The following IMPA1 variants were observed in gnomAD, a reference collection of about 807,000 sequenced individuals.
IMPA1 encodes the protein D-galactose 1-phosphate phosphatase.
IMPA1 carries 21 observed loss-of-function variants against 34.9 expected under a neutral mutation model. The observed-to-expected ratio is 0.60, with a 90% CI of 0.43 to 0.87. The LOEUF (loss-of-function observed/expected upper bound fraction) is 0.87. IMPA1 is among the 40% of genes least tolerant of loss of function. The probability of loss-of-function intolerance (pLI) is 0.00; values close to 1 mark genes in which losing one functional copy is unlikely to be tolerated. For missense variants in IMPA1, 299 were observed against 336.4 expected (o/e 0.89, Z 0.87); for synonymous variants, 95 against 104.4 (o/e 0.91, Z 0.55).
intron 1 of IMPA1, among the ~76,000 whole-genome samples, chr8:81,685,288 A>G (rs1239099028): frequency 1.5e-5 from 2 of 134,968 alleles, no homozygotes; most frequent in Non-Finnish European, 3.0e-5. Context: ...TATATATAGT[A>G]TATATACTAT....
intron 3 of IMPA1, among the ~76,000 whole-genome samples, chr8:81,680,346 C>A (rs1316437754): frequency 6.6e-6 from 1 of 152,086 alleles, no homozygotes; most frequent in African/African-American, 2.4e-5. Flanking sequence ...GCCACCTGCT[C>A]TGGACTAGGA....
intron 7 of IMPA1, among the ~76,000 whole-genome samples, chr8:81,670,051 A>G (rs1255083978): frequency 6.6e-6 from 1 of 152,238 alleles, no homozygotes; most frequent in African/African-American, 2.4e-5. Flanking sequence ...GCAGCTCCTC[A>G]GCCTTGGGCT....
intron 1 of IMPA1, 25 bp from the exon 2 acceptor site, chr8:81,681,609 T>A: frequency 7.7e-7 from 1 of 1,290,738 alleles, no homozygotes; most frequent in Non-Finnish European, 1.1e-6. Flanking sequence ...TATAACTGTC[T>A]TAGAAGTCTT....
At chr8:81,660,770 G>A (rs761284340) in intron 7 of IMPA1, 103 bp from the exon 8 acceptor site, 8 of 758,776 alleles carry the variant, frequency 1.1e-5, no homozygotes, top group African/African-American at 5.3e-5. Context: ...AACTTGGAAC[G>A]ATCTAGAGGA....
At chr8:81,684,983 A>C (rs963932578) in intron 1 of IMPA1, among the ~76,000 whole-genome samples, 1 of 134,156 alleles carries the variant, frequency 7.5e-6, no homozygotes, top group Non-Finnish European at 1.5e-5. Flanking sequence ...TATACTATAC[A>C]TAAGTATATT....
chr8:81,663,923 C>T (rs1806746424), intron 7 of IMPA1, among the ~76,000 whole-genome samples: 1 of 152,036 alleles, frequency 6.6e-6, no homozygotes, highest in Non-Finnish European at 1.5e-5. Context: ...CCTGTAGTCC[C>T]AGCTACTCCA....
chr8:81,682,409 C>T (rs1367694420), intron 1 of IMPA1, among the ~76,000 whole-genome samples: 5 of 152,108 alleles, frequency 3.3e-5, no homozygotes, highest in Admixed American at 3.3e-4. Context: ...AAATAATAGA[C>T]ACAGAGTTAC....
In IMPA1 at chr8:81,659,439, C is replaced by G. The variant is rs1806601460; in HGVS notation, c.746G>C (p.Arg249Thr). The stretch of plus-strand genomic sequence containing the variant: ...TATTCTATTATTTGCAGCAATTACT[C>G]TTCGTGACATCAAATCAAATGGTCC... ...TGGPFDLMSR[R>T]VIAANNRILA... The change falls in exon 9 of 9, where the codon AGA (arginine) becomes ACA (threonine). Residue 249 changes from arginine to threonine, a missense_variant. By Grantham distance (71) the Arg-to-Thr change is moderately conservative. Coordinates refer to ENST00000256108, the MANE Select transcript of IMPA1 (RefSeq NM_005536.4). 3 of 1,608,266 alleles carry G rather than the reference C, an allele frequency of 1.9e-6. No homozygotes were observed. Among genetic ancestry groups the G allele is most frequent in the African/African-American group, 2.7e-5 (2 of 74,772 alleles).
chr8:81,676,443 A>G (rs765155791), intron 4 of IMPA1, among the ~76,000 whole-genome samples, 164 bp from the exon 5 acceptor site: 6 of 152,040 alleles, frequency 3.9e-5, no homozygotes, highest in Non-Finnish European at 5.9e-5. Context: ...ATGGTATACA[A>G]CCCTTTGTAA....
intron 4 of IMPA1, among the ~76,000 whole-genome samples, chr8:81,676,891 G>A (rs1807149057): frequency 6.6e-6 from 1 of 151,996 alleles, no homozygotes; most frequent in African/African-American, 2.4e-5. Flanking sequence ...TTCCCCGGTA[G>A]GCTGAGGCAG....
chr8:81,657,086 A>G lies in IMPA1; in HGVS notation c.*2265T>C, dbSNP rs981073178. On this transcript the variant is annotated 3_prime_UTR_variant, in exon 9 of 9. Coordinates refer to ENST00000256108, the MANE Select transcript of IMPA1 (RefSeq NM_005536.4). ...AAGAAATATTTTCAAATATTATTAG[A>G]TAATTCACTTGTCGATCATCCTTTT... is the stretch of plus-strand genomic sequence containing the variant. Among the ~76,000 whole-genome samples, 3 of 152,234 alleles carry G rather than the reference A, an allele frequency of 2.0e-5. No individual in the cohort carries two copies. Among genetic ancestry groups the G allele is most frequent in the Non-Finnish European group, 4.4e-5 (3 of 68,036 alleles).
chr8:81,670,889 A>C (rs199772743), intron 7 of IMPA1, 50 bp downstream of exon 7: 1 of 880,178 alleles, frequency 1.1e-6, no homozygotes, highest in Admixed American at 3.0e-5. Flanking sequence ...AGGTGTGTGC[A>C]CACACACACG....
chr8:81,659,293 T>C lies in IMPA1; in HGVS notation c.*58A>G. 1 of 919,418 alleles carries C rather than the reference T, an allele frequency of 1.1e-6. No homozygotes were observed. The highest frequency in any genetic ancestry group is 1.3e-5 in the South Asian group (1 of 76,998). The allele number at this position is 919,418 out of a possible 1,614,324, so 57.0% of individuals were successfully genotyped here. On this transcript the variant is annotated 3_prime_UTR_variant, in exon 9 of 9. Coordinates refer to ENST00000256108, the MANE Select transcript of IMPA1 (RefSeq NM_005536.4). ...ATCATACATCCAAAACACATATCCATTGATGAGTCACCAAATCTGGGGAAA... is the reference window on the plus strand; with the variant it reads ...ATCATACATCCAAAACACATATCCACTGATGAGTCACCAAATCTGGGGAAA...
chr8:81,664,329 A>T (rs942434552), intron 7 of IMPA1, among the ~76,000 whole-genome samples: 5 of 152,212 alleles, frequency 3.3e-5, no homozygotes, highest in African/African-American at 1.2e-4. Context: ...GATAGAAATC[A>T]GGAAATGCAA....
At chr8:81,667,704 A>G (rs1806870609) in intron 7 of IMPA1, among the ~76,000 whole-genome samples, 1 of 151,676 alleles carries the variant, frequency 6.6e-6, no homozygotes. Context: ...AAAAATAGGA[A>G]CAGTATTCTG....
At chr8:81,676,539 A>G (rs569674852) in intron 4 of IMPA1, among the ~76,000 whole-genome samples, 1 of 152,326 alleles carries the variant, frequency 6.6e-6, no homozygotes, top group South Asian at 2.1e-4. Context: ...TATAGGCATG[A>G]AACATCTCTG....
intron 7 of IMPA1, among the ~76,000 whole-genome samples, chr8:81,667,378 C>T (rs765601681): frequency 1.3e-5 from 2 of 152,102 alleles, no homozygotes; most frequent in African/African-American, 2.4e-5. Context: ...CTCCAAAACG[C>T]ATGTTGAAAC....
rs62512322 is a variant in IMPA1, at chr8:81,684,356, T to C, written c.-25+1896A>G. Among the ~76,000 whole-genome samples the C allele has an allele frequency of 2.5e-3, 359 of 145,480 alleles. 1 individual carries two copies. Among genetic ancestry groups the C allele is most frequent in the Non-Finnish European group, 4.3e-3 (285 of 66,702 alleles). On this transcript the variant is annotated intron_variant, in intron 1 of 8. Transcript: ENST00000256108. The stretch of plus-strand genomic sequence containing the variant: ...GATACTATATATAGTATATATACCA[T>C]ACATAAGTATATTTAGATACTATAT...
At chr8:81,680,577 G>T in intron 3 of IMPA1, 73 bp downstream of exon 3, 1 of 1,137,056 alleles carries the variant, frequency 8.8e-7, no homozygotes, top group Non-Finnish European at 1.3e-6. Flanking sequence ...GTGTAGTCAA[G>T]CTACTCTCAT....
Sources: allele counts gnomAD v4.1 joint callset (sites outside exome capture counted in the v4.1 genomes callset), GRCh38; gene constraint gnomAD v4.1.1; transcripts MANE v1.5; gene names NCBI Gene and HGNC (gene_info 2026-07-23, HGNC 2026-07-21).